ARHGAP35: variants seen among roughly 807,000 people sequenced by gnomAD.
ARHGAP35 encodes rho GTPase-activating protein 35.
ARHGAP35 carries 15 observed loss-of-function variants against 111.1 expected under a neutral mutation model. The ratio of observed to expected loss-of-function variants is 0.13; its 90% CI spans 0.09 to 0.21. The LOEUF (loss-of-function observed/expected upper bound fraction) is 0.21. ARHGAP35 is among the 10% of genes least tolerant of loss of function. The probability of loss-of-function intolerance (pLI) is 1.00; values close to 1 mark genes in which losing one functional copy is unlikely to be tolerated. For missense variants in ARHGAP35, 1,262 were observed against 1,873.0 expected (o/e 0.67, Z 6.02); for synonymous variants, 643 against 710.3 (o/e 0.91, Z 1.51).
intron 3 of ARHGAP35, chr19:46,948,678 C>T (rs191787233): frequency 7.2e-5 from 11 of 152,298 alleles, no homozygotes; most frequent in East Asian, 3.9e-4. Flanking sequence ...GACCATGAAC[C>T]GCGGTTCCCT....
In ARHGAP35 at chr19:46,863,858, A is replaced by C. The variant is rs549899134; in HGVS notation, c.-189+2649A>C. ...GGGAGGGGATGGGGAAGGTGGGCTT[A>C]TTTCTTTTTCATCTTTGCCCCGGGA... is the stretch of plus-strand genomic sequence containing the variant. On this transcript the variant is annotated intron_variant, in intron 1 of 6. Coordinates refer to ENST00000672722, the MANE Select transcript of ARHGAP35 (RefSeq NM_004491.5). 3.3e-5 allele frequency among the ~76,000 whole-genome samples: 5 copies of C among 152,192 alleles called. No individual in the cohort carries two copies. In the East Asian group the frequency reaches 7.7e-4, roughly 24 times the overall value.
chr19:46,972,466 T>G (rs1022775206), intron 3 of ARHGAP35, among the ~76,000 whole-genome samples: 9 of 152,242 alleles, frequency 5.9e-5, no homozygotes, highest in African/African-American at 2.2e-4. Context: ...ACTCCCAGAT[T>G]GCTTAATCTA....
At chr19:46,870,375 C>G (rs549816834) in intron 1 of ARHGAP35, among the ~76,000 whole-genome samples, 2 of 151,604 alleles carry the variant, frequency 1.3e-5, no homozygotes, top group African/African-American at 2.4e-5. Context: ...GTCAGGAGAT[C>G]GAGACCACCG....
At chr19:46,932,995 A>G (rs2056281779) in intron 2 of ARHGAP35, among the ~76,000 whole-genome samples, 1 of 152,178 alleles carries the variant, frequency 6.6e-6, no homozygotes, top group Non-Finnish European at 1.5e-5. Context: ...AGGTAGCTCT[A>G]TAGCTATTTG....
chr19:46,990,266 G>T (rs1215935474), intron 5 of ARHGAP35, among the ~76,000 whole-genome samples: 1 of 152,218 alleles, frequency 6.6e-6, no homozygotes, highest in Non-Finnish European at 1.5e-5. Flanking sequence ...GGTTTTAATG[G>T]TATCCTGTGT....
At chr19:46,934,616 C>T (rs2056293721) in intron 2 of ARHGAP35, among the ~76,000 whole-genome samples, 2 of 152,160 alleles carry the variant, frequency 1.3e-5, no homozygotes, top group African/African-American at 4.8e-5. Flanking sequence ...ATCCGCCCGC[C>T]TTGCCCTCCC....
chr19:46,944,278 G>A (rs1230834093), intron 3 of ARHGAP35, among the ~76,000 whole-genome samples: 4 of 144,144 alleles, frequency 2.8e-5, no homozygotes, highest in Non-Finnish European at 3.0e-5. Flanking sequence ...CAGCATGGGC[G>A]ACAGAGTAAG....
intron 3 of ARHGAP35, among the ~76,000 whole-genome samples, chr19:46,978,537 G>GGC (rs202208967): frequency 1.4e-5 from 2 of 146,626 alleles, no homozygotes; most frequent in Non-Finnish European, 1.5e-5. Flanking sequence ...TGTGTGGTGG[G>GGC]ATGTGTGTGT....
At chr19:46,925,736 C>G (rs1326395487) in intron 2 of ARHGAP35, among the ~76,000 whole-genome samples, 1 of 152,192 alleles carries the variant, frequency 6.6e-6, no homozygotes, top group Non-Finnish European at 1.5e-5. Context: ...ACTCCAGCTC[C>G]TCCGCTTCCT....
chr19:46,990,202 C>A (rs1235153545), intron 5 of ARHGAP35, among the ~76,000 whole-genome samples: 1 of 152,216 alleles, frequency 6.6e-6, no homozygotes, highest in South Asian at 2.1e-4. Flanking sequence ...AAAGAGATGA[C>A]TCCAGTGGCC....
Position 47,000,656 on chromosome 19 carries a change from C to A in ARHGAP35, c.4468C>A (p.Pro1490Thr). 6.3e-7 allele frequency: 1 copy of A among 1,599,806 alleles called. No homozygotes were observed. Among genetic ancestry groups the A allele is most frequent in the South Asian group, 1.1e-5 (1 of 88,820 alleles). ...CCAGTCCCCAATGCAGCCACTGCTT[C>A]CCTCCCAGCTTCAAGCCGAACACAC... is the stretch of plus-strand genomic sequence containing the variant. ...TPQSPMQPLL[P>T]SQLQAEHTL is the part of the protein sequence containing the mutation. Residue 1490 changes from proline (P) to threonine (T), a missense_variant, in exon 7 of 7, where the codon CCC (proline) becomes ACC (threonine). By Grantham distance (38) the Pro-to-Thr change is conservative. Around this residue, in one of 8 missense-constraint regions of ARHGAP35, gnomAD observed 75 missense variants for 87.0 expected, o/e 0.86. Coordinates refer to ENST00000672722, the MANE Select transcript of ARHGAP35 (RefSeq NM_004491.5). The surrounding 1 kb of genome is among the most constrained non-coding windows in gnomAD (Gnocchi z 6.9).
chr19:46,948,253 G>T (rs2056391614), intron 3 of ARHGAP35: 1 of 152,160 alleles, frequency 6.6e-6, no homozygotes, highest in Non-Finnish European at 1.5e-5. Context: ...CTATAACAAG[G>T]GCTGTGGGAG....
At chr19:46,951,220 A>G (rs1197340274) in intron 3 of ARHGAP35, among the ~76,000 whole-genome samples, 1 of 152,220 alleles carries the variant, frequency 6.6e-6, no homozygotes, top group Non-Finnish European at 1.5e-5. Context: ...TTCACCACTA[A>G]TTGATGCTAG....
rs1302095394 is a variant in ARHGAP35, at chr19:46,927,003, T to A, written c.3681+4647T>A. 2.0e-5 allele frequency among the ~76,000 whole-genome samples: 3 copies of A among 152,210 alleles called. No homozygotes were observed. The East Asian group carries it at 5.8e-4, about 29-fold the overall frequency. On this transcript the variant is annotated intron_variant, in intron 2 of 6. Transcript: ENST00000672722. ...AAATATGAGCTCTTTGTAACCTGCCTAGGAAAGACTCTCAGTGTGTGCTTC... is the reference window on the plus strand; with the variant it reads ...AAATATGAGCTCTTTGTAACCTGCCAAGGAAAGACTCTCAGTGTGTGCTTC...
chr19:46,997,439 C>G (rs1481822662), intron 5 of ARHGAP35: 1 of 152,260 alleles, frequency 6.6e-6, no homozygotes, highest in Non-Finnish European at 1.5e-5. Context: ...TGCGAGTAGA[C>G]TGGCTCCCAG....
Position 46,919,242 on chromosome 19 carries a change from A to G in ARHGAP35, c.567A>G (p.Ala189=), listed in dbSNP as rs1426497692. ...KFVSNLYNQL[A]KTKKPIVVVL... is the part of the protein sequence containing the mutation. The stretch of plus-strand genomic sequence containing the variant: ...TCTCCAATCTCTACAATCAGCTTGC[A>G]AAAACAAAAAAGCCCATAGTGGTGG... The change falls in exon 2 of 7, where the codon GCA becomes GCG. Residue 189 remains alanine (A), a synonymous_variant. Coordinates refer to ENST00000672722, the MANE Select transcript of ARHGAP35 (RefSeq NM_004491.5). The surrounding 1 kb of genome is among the most constrained non-coding windows in gnomAD (Gnocchi z 6.2). 6.2e-7 allele frequency: 1 copy of G among 1,613,850 alleles called. No individual in the cohort carries two copies. The highest frequency in any genetic ancestry group is 8.5e-7 in the Non-Finnish European group (1 of 1,179,860).
At position 46,919,447 on chromosome 19, in the gene ARHGAP35, C is replaced by A. The variant is rs775659550; in HGVS notation, c.772C>A (p.Pro258Thr). ...DKSRGKTKII[P>T]YFEALKQQSQ... ...AAGTCGGGGAAAGACAAAAATCATT[C>A]CTTATTTTGAAGCTCTCAAGCAGCA... Residue 258 changes from proline (P) to threonine (T), a missense_variant, in exon 2 of 7, where the codon CCT (proline) becomes ACT (threonine). By Grantham distance (38) the Pro-to-Thr change is conservative. Transcript: ENST00000672722. The surrounding 1 kb of genome is among the most constrained non-coding windows in gnomAD (Gnocchi z 6.2). 6.2e-7 allele frequency: 1 copy of A among 1,613,934 alleles called. No homozygotes were observed. The highest frequency in any genetic ancestry group is 1.7e-5 in the Admixed American group (1 of 60,020).
At position 46,993,299 on chromosome 19, in the gene ARHGAP35, T is replaced by C. The variant is rs2056689050; in HGVS notation, c.4036+3624T>C. Among the ~76,000 whole-genome samples the C allele has an allele frequency of 6.6e-6, 1 of 152,224 alleles. No individual in the cohort carries two copies. The highest frequency in any genetic ancestry group is 1.5e-5 in the Non-Finnish European group (1 of 68,032). ...GTGACCTTGAGCCGGGCTTTCCCTT[T>C]CCTGGCGATGCAGGCGTGCAGATGG... On this transcript the variant is annotated intron_variant, in intron 5 of 6. Coordinates refer to ENST00000672722, the MANE Select transcript of ARHGAP35 (RefSeq NM_004491.5). The surrounding 1 kb of genome is among the most constrained non-coding windows in gnomAD (Gnocchi z 4.6).
rs552829293 is a variant in ARHGAP35, at chr19:46,931,555, C to T, written c.3682-5709C>T. Among the ~76,000 whole-genome samples, 16 of 152,258 alleles carry T rather than the reference C, an allele frequency of 1.1e-4. No individual in the cohort carries two copies. The South Asian group carries it at 2.7e-3, about 26-fold the overall frequency. Reference sequence around the variant, plus strand: ...GGCACCATTTCTCCCCAGTGCACCACGGGCATAAACTATTATTTATAAACT... The same window carrying T: ...GGCACCATTTCTCCCCAGTGCACCATGGGCATAAACTATTATTTATAAACT... On this transcript the variant is annotated intron_variant, in intron 2 of 6. Transcript: ENST00000672722.
Sources: allele counts gnomAD v4.1 joint callset (sites outside exome capture counted in the v4.1 genomes callset), GRCh38; gene constraint gnomAD v4.1.1; regional missense constraint gnomAD v4.1.1; non-coding constraint Gnocchi (gnomAD v3.1); transcripts MANE v1.5; gene names NCBI Gene and HGNC (gene_info 2026-07-23, HGNC 2026-07-21).